PRKCA: variants seen among roughly 807,000 people sequenced by gnomAD.
PRKCA encodes the protein protein kinase C alpha, also known as protein kinase C alpha type.
A neutral mutation model predicts 87.0 loss-of-function variants in PRKCA; 27 were observed. The ratio of observed to expected loss-of-function variants is 0.31; its 90% CI spans 0.23 to 0.43. PRKCA has a LOEUF of 0.43. Among genes scored for constraint, PRKCA ranks in the 20% least tolerant of loss-of-function variants. The pLI is 1.00. For synonymous variants in PRKCA, 329 were observed against 311.1 expected, an observed-to-expected ratio of 1.06 and a Z score of -0.61; for missense variants, 518 against 852.3, an observed-to-expected ratio of 0.61 and a Z score of 4.88.
intron 2 of PRKCA, among the ~76,000 whole-genome samples, chr17:66,395,368 T>A (rs1307858701): frequency 1.3e-5 from 2 of 152,240 alleles, no homozygotes; most frequent in African/African-American, 2.4e-5. Context: ...AACCGGTATG[T>A]TCATAATGTT....
chr17:66,765,456 CCATATATATACATATTTG>C (rs1974790828), intron 13 of PRKCA, among the ~76,000 whole-genome samples: 1 of 38,068 alleles, frequency 2.6e-5, no homozygotes, highest in African/African-American at 9.5e-5. Context: ...ATATATATAT[CCATATATATACATATTTG>C]TCCATATATA....
chr17:66,773,154 C>T lies in PRKCA; in HGVS notation c.1525-833C>T, dbSNP rs147448650. Reference sequence around the variant, plus strand: ...CCAGAAAACATGTTTTCTAACTAGTCAACATACCATTATGCCACCTAACAA... The same window carrying T: ...CCAGAAAACATGTTTTCTAACTAGTTAACATACCATTATGCCACCTAACAA... On this transcript the variant is annotated intron_variant, in intron 13 of 16. Coordinates refer to ENST00000413366, the MANE Select transcript of PRKCA (RefSeq NM_002737.3). Among the ~76,000 whole-genome samples, 759 of 152,242 alleles carry T rather than the reference C, an allele frequency of 5.0e-3. 10 individuals are homozygous for T. Among genetic ancestry groups the T allele is most frequent in the African/African-American group, 0.013 (530 of 41,552 alleles).
intron 2 of PRKCA, among the ~76,000 whole-genome samples, chr17:66,345,248 C>G (rs1598605808): frequency 6.6e-6 from 1 of 152,072 alleles, no homozygotes; most frequent in Non-Finnish European, 1.5e-5. Flanking sequence ...ACTTCCTACA[C>G]CAGTTTTCTA....
intron 2 of PRKCA, among the ~76,000 whole-genome samples, chr17:66,307,983 T>A (rs1489699361): frequency 8.5e-5 from 13 of 152,210 alleles, no homozygotes; most frequent in Admixed American, 3.3e-4. Flanking sequence ...CACTCAGCAG[T>A]AGATGGTGGA....
At chr17:66,328,391 G>T (rs1440704411) in intron 2 of PRKCA, among the ~76,000 whole-genome samples, 1 of 151,094 alleles carries the variant, frequency 6.6e-6, no homozygotes, top group East Asian at 2.0e-4. Context: ...ATATTTGAAT[G>T]AACTCTAAAG....
intron 2 of PRKCA, among the ~76,000 whole-genome samples, chr17:66,429,119 G>A (rs1298554730): frequency 6.6e-6 from 1 of 151,892 alleles, no homozygotes; most frequent in Non-Finnish European, 1.5e-5. Context: ...TTGAGAGTGT[G>A]GACTGTGTCT....
intron 5 of PRKCA, among the ~76,000 whole-genome samples, chr17:66,671,141 G>A (rs938963266): frequency 6.2e-5 from 9 of 145,724 alleles, no homozygotes; most frequent in African/African-American, 2.3e-4. Context: ...AACCCGGGAG[G>A]CAGAGGTTGC....
chr17:66,639,682 CT>C (rs1465777336), intron 3 of PRKCA, among the ~76,000 whole-genome samples: 2 of 151,896 alleles, frequency 1.3e-5, no homozygotes, highest in Non-Finnish European at 2.9e-5. Context: ...GCCACTGTGC[CT>C]GGCCTACCTT....
At chr17:66,491,103 C>G (rs920528529) in intron 2 of PRKCA, among the ~76,000 whole-genome samples, 3 of 152,120 alleles carry the variant, frequency 2.0e-5, no homozygotes, top group African/African-American at 7.2e-5. Flanking sequence ...ATTTTTTTGT[C>G]CCACCATGTC....
chr17:66,435,830 T>C (rs1045077018), intron 2 of PRKCA, among the ~76,000 whole-genome samples: 2 of 152,050 alleles, frequency 1.3e-5, no homozygotes, highest in Non-Finnish European at 2.9e-5. Flanking sequence ...GAGGATGCCA[T>C]GAGTTAAGTG....
At chr17:66,425,069 T>C (rs141787601) in intron 2 of PRKCA, among the ~76,000 whole-genome samples, 73 of 152,270 alleles carry the variant, frequency 4.8e-4, no homozygotes, top group African/African-American at 1.7e-3. Context: ...GCCTGTATAC[T>C]GTTGCTATAT....
intron 2 of PRKCA, among the ~76,000 whole-genome samples, chr17:66,462,603 C>T (rs1170721566): frequency 3.9e-5 from 6 of 152,192 alleles, no homozygotes; most frequent in South Asian, 4.1e-4. Flanking sequence ...TTTTAATCTA[C>T]TGAAGCACAT....
chr17:66,344,378 G>A (rs114739032), intron 2 of PRKCA, among the ~76,000 whole-genome samples: 3,554 of 152,130 alleles, frequency 0.023, 144 homozygotes, highest in African/African-American at 0.081. Flanking sequence ...TAGCTGTGCC[G>A]GGCGCTGTGG....
rs1976040604 is a variant in PRKCA at position 66,806,740 on chromosome 17, CAT to C, written c.*2704_*2705del. 6.6e-6 allele frequency: 1 copy of C among 152,280 alleles called. No homozygotes were observed. The highest frequency in any genetic ancestry group is 1.5e-5 in the Non-Finnish European group (1 of 68,080). 9.4% of individuals were successfully genotyped at this position (152,280 alleles called of 1,614,324 possible). A position where few individuals can be genotyped will look rare whatever the true frequency, so the allele number is the denominator to read the frequency against. On this transcript the variant is annotated 3_prime_UTR_variant, in exon 17 of 17. Transcript: ENST00000413366. ...CACAAGTTTGTTTCTCTAGGAAACA[CAT>C]TCACTGTCTCAGCTGGCTGTTACTC...
chr17:66,675,619 T>C (rs1972307637), intron 5 of PRKCA, among the ~76,000 whole-genome samples: 1 of 152,096 alleles, frequency 6.6e-6, no homozygotes, highest in South Asian at 2.1e-4. Context: ...ATTAAAGGGG[T>C]GCATGGCTTA....
intron 2 of PRKCA, among the ~76,000 whole-genome samples, chr17:66,344,537 AGTT>A (rs1000159397): frequency 2.6e-5 from 4 of 152,160 alleles, no homozygotes; most frequent in African/African-American, 7.2e-5. Flanking sequence ...AAAAACAGTT[AGTT>A]GTTATTAGCC....
At chr17:66,306,647 A>G (rs938117750) in intron 2 of PRKCA, among the ~76,000 whole-genome samples, 1 of 152,124 alleles carries the variant, frequency 6.6e-6, no homozygotes, top group African/African-American at 2.4e-5. Context: ...CTATGGTATG[A>G]CTATGTAGCA....
intron 3 of PRKCA, among the ~76,000 whole-genome samples, chr17:66,568,410 C>T (rs1458773934): frequency 6.6e-6 from 1 of 152,118 alleles, no homozygotes; most frequent in Non-Finnish European, 1.5e-5. Context: ...CTGGGAGCTG[C>T]TTTTGGGTGC....
chr17:66,554,667 T>C (rs1968442380), intron 3 of PRKCA: 2 of 481,412 alleles, frequency 4.2e-6, no homozygotes, highest in Non-Finnish European at 5.4e-6. Flanking sequence ...GTGAAGGGAG[T>C]TTGGTTATGA....
Sources: allele counts gnomAD v4.1 joint callset (sites outside exome capture counted in the v4.1 genomes callset), GRCh38; gene constraint gnomAD v4.1.1; transcripts MANE v1.5; gene names NCBI Gene and HGNC (gene_info 2026-07-23, HGNC 2026-07-21).